Variants in QRICH2 observed in about 807,000 individuals in gnomAD.
The protein encoded by QRICH2 is glutamine-rich protein 2.
Under a neutral mutation model 168.3 loss-of-function variants are expected in QRICH2, and 119 were observed. The observed-to-expected ratio is 0.71, with a 90% CI of 0.61 to 0.82. QRICH2 has a LOEUF of 0.82. Ranked by LOEUF, QRICH2 falls within the 40% of genes least tolerant of loss-of-function variation. QRICH2 has a pLI of 0.00. For missense variants in QRICH2, 2,241 were observed against 2,491.6 expected (o/e 0.90, Z 2.14); for synonymous variants, 894 against 951.2 (o/e 0.94, Z 1.11).
At chr17:76,284,700 C>T (rs1568110877) in intron 7 of QRICH2, among the ~76,000 whole-genome samples, 1 of 151,838 alleles carries the variant, frequency 6.6e-6, no homozygotes, top group Admixed American at 6.6e-5. Context: ...CGCCTGTAAT[C>T]CCAGCTGCTT....
chr17:76,275,872 C>G lies in QRICH2; in HGVS notation c.5429G>C (p.Gly1810Ala). 6.2e-7 allele frequency: 1 copy of G among 1,608,518 alleles called. No individual in the cohort carries two copies. The highest frequency in any genetic ancestry group is 1.1e-5 in the South Asian group (1 of 91,076). The change falls in exon 18 of 19, where the codon GGC becomes GCC. Residue 1810 changes from glycine (G) to alanine (A), a missense_variant. Coordinates refer to ENST00000680821, the MANE Select transcript of QRICH2 (RefSeq NM_001388453.1). Reference protein sequence around the residue: ...VHRPPSLSSNGQLPSRPQSAQ... With the variant: ...VHRPPSLSSNAQLPSRPQSAQ... Reference sequence around the variant, plus strand: ...GCTCTGTGGCCGAGAGGGCAGCTGGCCATTGCTGCTGAGGGATGGCGGCCT... The same window carrying G: ...GCTCTGTGGCCGAGAGGGCAGCTGGGCATTGCTGCTGAGGGATGGCGGCCT...
intron 3 of QRICH2, among the ~76,000 whole-genome samples, chr17:76,300,095 G>A (rs976224448): frequency 2.6e-5 from 4 of 152,076 alleles, no homozygotes; most frequent in African/African-American, 9.7e-5. Context: ...CTCCCAAAGT[G>A]CTGGAATTAC....
At chr17:76,300,320 C>A (rs908876222) in intron 3 of QRICH2, among the ~76,000 whole-genome samples, 1 of 151,966 alleles carries the variant, frequency 6.6e-6, no homozygotes, top group African/African-American at 2.4e-5. Context: ...ACTCCAAAAG[C>A]AAATAAAGAT....
intron 1 of QRICH2, among the ~76,000 whole-genome samples, chr17:76,306,639 C>A (rs2070995249): frequency 6.6e-6 from 1 of 152,220 alleles, no homozygotes; most frequent in East Asian, 1.9e-4. Flanking sequence ...TAATGCCCAG[C>A]ACTTTGGGAG....
rs2071005723 is a variant in QRICH2, at chr17:76,307,370, C to T, written c.534+95G>A. The T allele has an allele frequency of 1.6e-5, 22 of 1,373,126 alleles. No individual in the cohort carries two copies. The South Asian group carries it at 1.9e-4, about 12-fold the overall frequency. The allele number at this position is 1,373,126 out of a possible 1,614,324, so 85.1% of individuals were successfully genotyped here. On this transcript the variant is annotated intron_variant, in intron 1 of 18. Transcript: ENST00000680821. The surrounding 1 kb of genome is among the most constrained non-coding windows in gnomAD (Gnocchi z 5.3). Reference sequence around the variant, plus strand: ...TCCCCATCCCCTCCGTCCCCACCACCGCTCACCCCTCCAGGGTGGTGGGGA... The same window carrying T: ...TCCCCATCCCCTCCGTCCCCACCACTGCTCACCCCTCCAGGGTGGTGGGGA...
rs775229042 is a variant in QRICH2, at chr17:76,292,035, G to C, written c.2692C>G (p.Gln898Glu). 1.2e-6 allele frequency: 2 copies of C among 1,614,258 alleles called. No homozygotes were observed. Among genetic ancestry groups the C allele is most frequent in the Admixed American group, 3.3e-5 (2 of 60,024 alleles). The change falls in exon 4 of 19, where the codon CAG becomes GAG. Residue 898 changes from glutamine (Q) to glutamate (E), a missense_variant. Around this residue, in one of 3 missense-constraint regions of QRICH2, gnomAD observed 2,047 missense variants for 2,303.8 expected, o/e 0.89. Transcript: ENST00000680821. ...QRGLIQPGADQPGLVQPGAGQ... is the reference protein window; with the variant it reads ...QRGLIQPGADEPGLVQPGAGQ... ...GCACCAGGCTGGACCAAACCAGGCT[G>C]ATCTGCACCAGGTTGGATCAAACCA...
Position 76,290,057 on chromosome 17 carries a change from C to A in QRICH2, c.3733G>T (p.Glu1245Ter). 1 of 1,612,018 alleles carries A rather than the reference C, an allele frequency of 6.2e-7. No individual in the cohort carries two copies. Among genetic ancestry groups the A allele is most frequent in the South Asian group, 1.1e-5 (1 of 90,984 alleles). Reference sequence around the variant, plus strand: ...ACGGTCTTCAGCTGCTCCTGCAGTTCAGGAGGTATGGTCCTTTTGACTATG... The same window carrying A: ...ACGGTCTTCAGCTGCTCCTGCAGTTAAGGAGGTATGGTCCTTTTGACTATG... ...AQMVKRTIPPELQEQLKTVKT... is the reference protein window; with the variant it reads ...AQMVKRTIPP Residue 1245 changes from glutamate (E) to a stop codon, truncating the protein, a stop_gained, in exon 5 of 19, where the codon GAA becomes TAA. Transcript: ENST00000680821. LOFTEE classifies it high-confidence loss of function.
In QRICH2 at chr17:76,277,988, C is replaced by T. The variant is rs369488094; in HGVS notation, c.5117+1G>A. 4 of 1,610,456 alleles carry T rather than the reference C, an allele frequency of 2.5e-6. No homozygotes were observed. The highest frequency in any genetic ancestry group is 2.7e-5 in the African/African-American group (2 of 74,948). ...CATGGCCTCGCCCGCCTCTCCTGTA[C>T]CGTTTGTAGCAGGGGGAGCCCAGGC... On this transcript the variant is annotated splice_donor_variant, in intron 15 of 18. Transcript: ENST00000680821. LOFTEE classifies it high-confidence loss of function.
intron 3 of QRICH2, among the ~76,000 whole-genome samples, chr17:76,303,265 G>GT (rs1478432587): frequency 2.0e-5 from 3 of 152,098 alleles, no homozygotes; most frequent in Non-Finnish European, 4.4e-5. Flanking sequence ...ATCCCAGGTT[G>GT]TTTTTTGTAC....
In QRICH2 at chr17:76,280,597, G is replaced by T; in HGVS notation, c.4461+57C>A. 1 of 1,605,854 alleles carries T rather than the reference G, an allele frequency of 6.2e-7. No homozygotes were observed. The highest frequency in any genetic ancestry group is 8.5e-7 in the Non-Finnish European group (1 of 1,172,818). ...GCTCCCCTCCACTCAGTCTCTCAAA[G>T]AACAGTCAGCGAGACCGCCCTGGGA... is the stretch of plus-strand genomic sequence containing the variant. On this transcript the variant is annotated intron_variant, in intron 10 of 18. Coordinates refer to ENST00000680821, the MANE Select transcript of QRICH2 (RefSeq NM_001388453.1). This position sits in a 1 kb window ranked among gnomAD's most constrained non-coding sequence, Gnocchi z 7.4.
At chr17:76,294,731 T>C (rs755819923) in intron 3 of QRICH2, among the ~76,000 whole-genome samples, 12 of 150,612 alleles carry the variant, frequency 8.0e-5, no homozygotes, top group Non-Finnish European at 1.3e-4. Context: ...GAGAATCGCT[T>C]GAACCCGGGA....
At position 76,291,053 on chromosome 17, in the gene QRICH2, G is replaced by T; in HGVS notation, c.3674C>A (p.Thr1225Asn). The T allele has an allele frequency of 6.2e-7, 1 of 1,613,930 alleles. No individual in the cohort carries two copies. The highest frequency in any genetic ancestry group is 8.5e-7 in the Non-Finnish European group (1 of 1,179,834). The change falls in exon 4 of 19, where the codon ACC becomes AAC. Residue 1225 changes from threonine (T) to asparagine (N), a missense_variant. Physicochemically the swap from Thr to Asn is moderately conservative, Grantham distance 65. Coordinates refer to ENST00000680821, the MANE Select transcript of QRICH2 (RefSeq NM_001388453.1). ...CAGGAACTGGATCTTCTCCAAGTCG[G>T]TTTGGCCGGCCTGCTCCTCATCCAG... ...KDLDEEQAGQ[T>N]DLEKIQFLLA...
At position 76,277,229 on chromosome 17, in the gene QRICH2, G is replaced by A. The variant is rs1307162289; in HGVS notation, c.5199C>T (p.His1733=). 3.2e-5 allele frequency: 51 copies of A among 1,602,810 alleles called. No homozygotes were observed. The highest frequency in any genetic ancestry group is 4.2e-5 in the Non-Finnish European group (50 of 1,177,038). Residue 1733 remains histidine (H), a synonymous_variant, in exon 16 of 19, where the codon CAC becomes CAT. Coordinates refer to ENST00000680821, the MANE Select transcript of QRICH2 (RefSeq NM_001388453.1). ...GGGGAAGGTGCTGCGGGCGGCTGCGGTGGTAGGGGTAGGTGAGGGTGTGGC... is the reference window on the plus strand; with the variant it reads ...GGGGAAGGTGCTGCGGGCGGCTGCGATGGTAGGGGTAGGTGAGGGTGTGGC... ...GGSHTLTYPY[H]RSRPQHLPRG... is the part of the protein sequence containing the mutation.
At chr17:76,295,073 C>CAAACAAACAAATAAATAAATAAAT (rs1555675460) in intron 3 of QRICH2, among the ~76,000 whole-genome samples, 1 of 143,202 alleles carries the variant, frequency 7.0e-6, no homozygotes, top group African/African-American at 2.6e-5. Context: ...CTACTAAAAA[C>CAAACAAACAAATAAATAAATAAAT]AAATAAATAA....
rs374772095 is a variant in QRICH2, at chr17:76,279,446, C to G, written c.4749-18G>C. 21 of 1,600,964 alleles carry G rather than the reference C, an allele frequency of 1.3e-5. No individual in the cohort carries two copies. Among genetic ancestry groups the G allele is most frequent in the Non-Finnish European group, 1.6e-5 (19 of 1,173,444 alleles). On this transcript the variant is annotated intron_variant, in intron 12 of 18. Coordinates refer to ENST00000680821, the MANE Select transcript of QRICH2 (RefSeq NM_001388453.1). Reference sequence around the variant, plus strand: ...GGAGCTGCCTGTTAGGAATGGGACGCACACGCAGGGTGAGTGCTCTGCCCG... The same window carrying G: ...GGAGCTGCCTGTTAGGAATGGGACGGACACGCAGGGTGAGTGCTCTGCCCG...
intron 5 of QRICH2, among the ~76,000 whole-genome samples, chr17:76,289,308 TC>T (rs1264281044): frequency 6.6e-6 from 1 of 151,972 alleles, no homozygotes; most frequent in Non-Finnish European, 1.5e-5. Flanking sequence ...TGCCTCAGCC[TC>T]CCAAGTAGCT....
At chr17:76,308,393 A>AGCT (rs1438711203), upstream of QRICH2, 14 of 985,288 alleles carry the variant, frequency 1.4e-5, no homozygotes, top group Non-Finnish European at 1.7e-5. Flanking sequence ...GAGCCTTGGC[A>AGCT]ACGGGCTGAG....
Position 76,279,368 on chromosome 17 carries a change from A to G in QRICH2, c.4809T>C (p.Thr1603=), listed in dbSNP as rs752917959. ...SCDRPLETPV[T]GHAIPVTPAG... ...CCGGCGGTGTGGGCACTCACTGTCCAGTCACAGGTGTCTCCAAGGGCCGGT... is the reference window on the plus strand; with the variant it reads ...CCGGCGGTGTGGGCACTCACTGTCCGGTCACAGGTGTCTCCAAGGGCCGGT... The change falls in exon 13 of 19, where the codon ACT becomes ACC. Residue 1603 remains threonine, a synonymous_variant. Coordinates refer to ENST00000680821, the MANE Select transcript of QRICH2 (RefSeq NM_001388453.1). The G allele has an allele frequency of 5.0e-6, 8 of 1,612,432 alleles. No homozygotes were observed. Among genetic ancestry groups the G allele is most frequent in the Admixed American group, 3.3e-5 (2 of 59,888 alleles).
At position 76,307,550 on chromosome 17, in the gene QRICH2, T is replaced by C; in HGVS notation, c.449A>G (p.Glu150Gly). ...GAACGCCCGCACGCCCACCTCCTGCTCCTCCGGCCACTCTAGCGCGGCCAG... is the reference window on the plus strand; with the variant it reads ...GAACGCCCGCACGCCCACCTCCTGCCCCTCCGGCCACTCTAGCGCGGCCAG... ...LDLAALEWPE[E>G]QEVGVRAFDR... is the part of the protein sequence containing the mutation. Residue 150 changes from glutamate (E) to glycine (G), a missense_variant, in exon 1 of 19, where the codon GAG becomes GGG. Glu to Gly is a moderately conservative substitution (Grantham distance 98). Around this residue, in one of 3 missense-constraint regions of QRICH2, gnomAD observed 2,047 missense variants for 2,303.8 expected, o/e 0.89. Transcript: ENST00000680821. This position sits in a 1 kb window ranked among gnomAD's most constrained non-coding sequence, Gnocchi z 5.3. The C allele has an allele frequency of 6.3e-7, 1 of 1,591,220 alleles. No homozygotes were observed. The highest frequency in any genetic ancestry group is 1.1e-5 in the South Asian group (1 of 87,584).
Sources: gnomAD v4.1 joint callset for allele counts (sites outside exome capture counted in the v4.1 genomes callset) on GRCh38, gnomAD v4.1.1 for gene constraint, gnomAD v4.1.1 regional missense constraint, Gnocchi (gnomAD v3.1) non-coding constraint, MANE v1.5 for transcripts, NCBI Gene and HGNC (gene_info 2026-07-23, HGNC 2026-07-21) for gene names.